Variants in PHF14 observed in about 807,000 individuals in gnomAD.
PHF14 encodes PHD finger protein 14.
Under a neutral mutation model 117.9 loss-of-function variants are expected in PHF14, and 55 were observed. The ratio of observed to expected loss-of-function variants is 0.47; its 90% CI spans 0.38 to 0.58. PHF14 has a LOEUF of 0.58. Ranked by LOEUF, PHF14 falls within the 20% of genes least tolerant of loss-of-function variation. The pLI is 0.00. For synonymous variants in PHF14, 409 were observed against 368.6 expected (o/e 1.11, Z -1.26); for missense variants, 978 against 1,122.2 (o/e 0.87, Z 1.84).
intron 16 of PHF14, among the ~76,000 whole-genome samples, chr7:11,092,226 A>G (rs557222771): frequency 3.3e-5 from 5 of 152,226 alleles, no homozygotes; most frequent in Non-Finnish European, 7.4e-5. Flanking sequence ...CTTTGTGGTT[A>G]CCTTCATCCC....
In PHF14 at chr7:11,139,669, C is replaced by G. The variant is rs543144342; in HGVS notation, c.2772+28202C>G. On this transcript the variant is annotated intron_variant, in intron 17 of 17. Transcript: ENST00000634607. ...AGTACTGGAGGTTTAAAAGGGAAGT[C>G]AAGTGTGTATTGTGTGTCAGTCATT... 6.4e-4 allele frequency among the ~76,000 whole-genome samples: 97 copies of G among 152,204 alleles called. 1 individual carries two copies. Among genetic ancestry groups the G allele is most frequent in the African/African-American group, 2.3e-3 (94 of 41,542 alleles).
chr7:11,084,225 G>A (rs968619780), intron 16 of PHF14, among the ~76,000 whole-genome samples: 1 of 152,062 alleles, frequency 6.6e-6, no homozygotes, highest in African/African-American at 2.4e-5. Flanking sequence ...CTGAAAAAAT[G>A]TTAGAAAAGC....
chr7:11,018,686 AC>A (rs954141915), intron 5 of PHF14, among the ~76,000 whole-genome samples: 1 of 152,206 alleles, frequency 6.6e-6, no homozygotes, highest in African/African-American at 2.4e-5. Context: ...TTACCTGCTA[AC>A]AAGAATAATT....
chr7:11,081,889 T>A, intron 16 of PHF14, among the ~76,000 whole-genome samples: 1 of 152,092 alleles, frequency 6.6e-6, no homozygotes, highest in East Asian at 1.9e-4. Context: ...ATCTTAATTT[T>A]TTATAAATAT....
intron 3 of PHF14, among the ~76,000 whole-genome samples, chr7:10,985,310 T>C (rs1782179364): frequency 6.6e-6 from 1 of 152,130 alleles, no homozygotes; most frequent in Non-Finnish European, 1.5e-5. Flanking sequence ...TATTTGAAGT[T>C]TGATTTTCCC....
chr7:11,163,900 C>T (rs772614668), intron 17 of PHF14, among the ~76,000 whole-genome samples: 2 of 152,126 alleles, frequency 1.3e-5, no homozygotes, highest in African/African-American at 4.8e-5. Flanking sequence ...TCTTTCTACA[C>T]TTGTTCCGTA....
intron 17 of PHF14, among the ~76,000 whole-genome samples, chr7:11,115,046 TC>T (rs1387221311): frequency 1.3e-5 from 2 of 152,192 alleles, no homozygotes; most frequent in African/African-American, 4.8e-5. Flanking sequence ...TATTTCTTCT[TC>T]CATCCGTTCA....
At chr7:10,984,734 C>CT (rs1248913123) in intron 3 of PHF14, among the ~76,000 whole-genome samples, 5 of 152,230 alleles carry the variant, frequency 3.3e-5, no homozygotes, top group Non-Finnish European at 7.4e-5. Flanking sequence ...TGTGTAGTAT[C>CT]TGTTTATTAA....
intron 16 of PHF14, among the ~76,000 whole-genome samples, chr7:11,078,791 A>C (rs1785965789): frequency 6.6e-6 from 1 of 152,154 alleles, no homozygotes; most frequent in Non-Finnish European, 1.5e-5. Context: ...ATTTATTACT[A>C]ATTGAGATAA....
chr7:11,144,932 T>C (rs764523429), intron 17 of PHF14, among the ~76,000 whole-genome samples: 119 of 151,982 alleles, frequency 7.8e-4, no homozygotes, highest in Admixed American at 1.2e-3. Flanking sequence ...TTATGGTTGC[T>C]AGGAGGTAAG....
At position 11,090,266 on chromosome 7, in the gene PHF14, T is replaced by C. The variant is rs141253149; in HGVS notation, c.2655-21084T>C. ...AGCAAGAGGAGGAGAAGTTCTGCTTTGAATGAAACTGGTAGGCACTCCCTG... is the reference window on the plus strand; with the variant it reads ...AGCAAGAGGAGGAGAAGTTCTGCTTCGAATGAAACTGGTAGGCACTCCCTG... On this transcript the variant is annotated intron_variant, in intron 16 of 17. Transcript: ENST00000634607. 9.2e-5 allele frequency among the ~76,000 whole-genome samples: 14 copies of C among 152,340 alleles called. No individual in the cohort carries two copies. In the East Asian group the frequency reaches 2.7e-3, roughly 29 times the overall value.
intron 5 of PHF14, among the ~76,000 whole-genome samples, chr7:11,016,765 A>G (rs56367816): frequency 0.02 from 2,997 of 152,172 alleles, 40 homozygotes; most frequent in Middle Eastern, 0.045. Context: ...TCTTTAAGTT[A>G]TTTTTAAGTG....
chr7:11,119,475 T>C (rs1479528415), intron 17 of PHF14, among the ~76,000 whole-genome samples: 4 of 151,790 alleles, frequency 2.6e-5, no homozygotes, highest in African/African-American at 9.7e-5. Context: ...CAGTTTTTAT[T>C]TGTCGTGTGA....
chr7:11,003,840 A>G (rs748441266), intron 4 of PHF14, among the ~76,000 whole-genome samples: 1 of 152,196 alleles, frequency 6.6e-6, no homozygotes, highest in African/African-American at 2.4e-5. Context: ...ACTGTTAACA[A>G]TTTGGTATGT....
rs564722712 is a variant in PHF14, at chr7:10,982,838, T to G, written c.579T>G (p.Asp193Glu). The stretch of plus-strand genomic sequence containing the variant: ...TTCGACGAAACCGACCACTTCTGGA[T>G]TTTGTGTCCATGGAAGAGCTGAATG... Reference protein sequence around the residue: ...WNLRRNRPLLDFVSMEELNDM... With the variant: ...WNLRRNRPLLEFVSMEELNDM... Residue 193 changes from aspartate (D) to glutamate (E), a missense_variant, in exon 3 of 18, where the codon GAT becomes GAG. Asp to Glu is a conservative substitution (Grantham distance 45, BLOSUM62 2). Transcript: ENST00000634607. 6.2e-7 allele frequency: 1 copy of G among 1,613,866 alleles called. No homozygotes were observed. Among genetic ancestry groups the G allele is most frequent in the African/African-American group, 1.3e-5 (1 of 75,000 alleles).
chr7:11,038,456 G>A (rs1341987245), intron 10 of PHF14, among the ~76,000 whole-genome samples: 1 of 147,568 alleles, frequency 6.8e-6, no homozygotes, highest in Admixed American at 6.8e-5. Flanking sequence ...AAAATAGATC[G>A]AGACCATCCT....
chr7:11,080,083 T>C (rs1018361508), intron 16 of PHF14, among the ~76,000 whole-genome samples: 3 of 152,148 alleles, frequency 2.0e-5, no homozygotes, highest in African/African-American at 4.8e-5. Flanking sequence ...CATAAAGTTA[T>C]TCCACGTAAA....
intron 4 of PHF14, among the ~76,000 whole-genome samples, chr7:10,999,990 G>A (rs1782804166): frequency 6.6e-6 from 1 of 152,144 alleles, no homozygotes; most frequent in Non-Finnish European, 1.5e-5. Flanking sequence ...TTGTTACAGA[G>A]AAGGAAGAAA....
Position 11,022,990 on chromosome 7 carries a change from A to G in PHF14, c.1317+11A>G, listed in dbSNP as rs750803358. The G allele has an allele frequency of 7.4e-6, 11 of 1,482,296 alleles. No homozygotes were observed. In the African/African-American group the frequency reaches 1.4e-4, roughly 19 times the overall value. 91.8% of individuals were successfully genotyped at this position (1,482,296 alleles called of 1,614,324 possible). On this transcript the variant is annotated intron_variant, in intron 6 of 17. Coordinates refer to ENST00000634607, the MANE Select transcript of PHF14 (RefSeq NM_001007157.2). ...AAATATGGTGCCAAGGTGAGACACA[A>G]AGCATTTTTGATTGCTTGAAAGAGA...
Sources: allele counts gnomAD v4.1 joint callset (sites outside exome capture counted in the v4.1 genomes callset), GRCh38; gene constraint gnomAD v4.1.1; transcripts MANE v1.5; gene names NCBI Gene and HGNC (gene_info 2026-07-23, HGNC 2026-07-21).